Variants in RAB38 observed in about 807,000 individuals in gnomAD.
RAB38 encodes ras-related protein Rab-38.
Under a neutral mutation model 18.4 loss-of-function variants are expected in RAB38, and 15 were observed. The ratio of observed to expected loss-of-function variants is 0.82; its 90% confidence interval spans 0.55 to 1.26. RAB38 has a LOEUF of 1.26. Among genes scored for constraint, RAB38 ranks in the 50% most tolerant of loss-of-function variants. RAB38 has a pLI of 0.00. For synonymous variants in RAB38, 101 were observed against 104.4 expected (o/e 0.97, Z 0.20); for missense variants, 294 against 267.4 (o/e 1.10, Z -0.69).
chr11:88,152,255 G>C (rs574712339), intron 1 of RAB38, among the ~76,000 whole-genome samples: 114 of 152,204 alleles, frequency 7.5e-4, no homozygotes, highest in African/African-American at 2.7e-3. Flanking sequence ...GCAAAGTCAT[G>C]GGTTATTCAA....
At chr11:88,142,149 G>C (rs1027439339) in intron 2 of RAB38, among the ~76,000 whole-genome samples, 1 of 152,202 alleles carries the variant, frequency 6.6e-6, no homozygotes, top group Non-Finnish European at 1.5e-5. Context: ...TTCTGAATCT[G>C]AGAAAGACTG....
At chr11:87,887,040 ACT>A in the RAB38 span, among the ~76,000 whole-genome samples, 74 of 151,796 alleles carry the variant, frequency 4.9e-4, 2 homozygotes, top group Middle Eastern at 0.014. Context: ...TGGGAAAACA[ACT>A]CTCTTCCCAT....
At chr11:87,940,979 C>G in the RAB38 span, among the ~76,000 whole-genome samples, 5 of 151,564 alleles carry the variant, frequency 3.3e-5, no homozygotes, top group African/African-American at 1.2e-4. Context: ...TTGCTGAACA[C>G]TCCTTTGGTT....
the RAB38 span, among the ~76,000 whole-genome samples, chr11:87,890,805 A>G: frequency 2.0e-5 from 3 of 151,934 alleles, no homozygotes; most frequent in African/African-American, 7.2e-5. Flanking sequence ...TTCATTTATG[A>G]ATTCATTCAC....
the RAB38 span, among the ~76,000 whole-genome samples, chr11:87,879,102 T>A: frequency 6.6e-6 from 1 of 151,620 alleles, no homozygotes; most frequent in Non-Finnish European, 1.5e-5. Flanking sequence ...CTTTGCTTTT[T>A]CATTGTGGAA....
the RAB38 span, among the ~76,000 whole-genome samples, chr11:88,058,816 T>C: frequency 3.9e-5 from 6 of 152,182 alleles, no homozygotes; most frequent in Admixed American, 3.9e-4. Context: ...ATGTGTCTGG[T>C]TTGCCTTTTT....
At chr11:87,842,928 G>A in the RAB38 span, among the ~76,000 whole-genome samples, 5 of 152,286 alleles carry the variant, frequency 3.3e-5, no homozygotes, top group East Asian at 9.6e-4. Context: ...GAGAAGTGCA[G>A]AATTGGCCAG....
the RAB38 span, among the ~76,000 whole-genome samples, chr11:88,009,915 T>G: frequency 1.3e-5 from 2 of 152,192 alleles, no homozygotes; most frequent in African/African-American, 2.4e-5. Flanking sequence ...AATATTTACC[T>G]ATACATAAGT....
chr11:88,008,037 G>A, the RAB38 span, among the ~76,000 whole-genome samples: 2 of 152,056 alleles, frequency 1.3e-5, no homozygotes, highest in Non-Finnish European at 2.9e-5. Context: ...CAAATCTATG[G>A]TTATGTAAAT....
chr11:87,924,393 C>CA, the RAB38 span, among the ~76,000 whole-genome samples: 4 of 151,966 alleles, frequency 2.6e-5, no homozygotes, highest in African/African-American at 7.2e-5. Context: ...AACAAAATCT[C>CA]AGAAAATATC....
the RAB38 span, among the ~76,000 whole-genome samples, chr11:87,946,839 C>T: frequency 3.3e-3 from 499 of 152,212 alleles, 6 homozygotes; most frequent in African/African-American, 0.012. Context: ...TGAATAGTGC[C>T]GCTATAAACA....
chr11:87,828,726 G>A, the RAB38 span, among the ~76,000 whole-genome samples: 11 of 152,092 alleles, frequency 7.2e-5, no homozygotes, highest in African/African-American at 2.4e-4. Flanking sequence ...TTCAGTAATT[G>A]CTTATTCACT....
At chr11:87,916,408 T>C in the RAB38 span, among the ~76,000 whole-genome samples, 2 of 152,112 alleles carry the variant, frequency 1.3e-5, no homozygotes, top group Non-Finnish European at 2.9e-5. Context: ...CTCTGGGAGA[T>C]TGATTAGTTC....
the RAB38 span, among the ~76,000 whole-genome samples, chr11:87,919,669 A>G: frequency 2.0e-5 from 3 of 152,032 alleles, no homozygotes; most frequent in Admixed American, 2.0e-4. Context: ...AAAGTTTGAG[A>G]AAGACTGGTA....
the RAB38 span, among the ~76,000 whole-genome samples, chr11:87,872,473 G>T: frequency 6.6e-6 from 1 of 151,360 alleles, no homozygotes; most frequent in Non-Finnish European, 1.5e-5. Context: ...AAAGTCCAAA[G>T]TTTACATTAG....
chr11:87,958,173 A>G, the RAB38 span, among the ~76,000 whole-genome samples: 34,231 of 152,058 alleles, frequency 0.23, 4,845 homozygotes, highest in African/African-American at 0.41. Flanking sequence ...AGGGCAAACA[A>G]CCAGCACTCT....
chr11:87,871,675 C>T, the RAB38 span, among the ~76,000 whole-genome samples: 1 of 151,660 alleles, frequency 6.6e-6, no homozygotes, highest in East Asian at 2.0e-4. Context: ...TTTATTCTCT[C>T]TCCTAGCTAC....
chr11:87,868,392 T>C, the RAB38 span, among the ~76,000 whole-genome samples: 2 of 151,658 alleles, frequency 1.3e-5, 1 homozygote, highest in Admixed American at 1.3e-4. Context: ...CAGATGTTAG[T>C]GCTATGCTTC....
the RAB38 span, among the ~76,000 whole-genome samples, chr11:87,825,025 TGAGA>T: frequency 1.3e-4 from 20 of 150,530 alleles, no homozygotes; most frequent in South Asian, 4.2e-4. Context: ...TGTGTGTGTG[TGAGA>T]GAGAGAGAGA....
Sources: allele counts gnomAD v4.1 joint callset (sites outside exome capture counted in the v4.1 genomes callset), GRCh38; gene constraint gnomAD v4.1.1; transcripts MANE v1.5; gene names NCBI Gene and HGNC (gene_info 2026-07-23, HGNC 2026-07-21).